Variants in ERICH1 observed in about 807,000 individuals in gnomAD.
ERICH1 encodes the protein glutamate-rich protein 1.
A neutral mutation model predicts 39.6 loss-of-function variants in ERICH1; 56 were observed. That is an observed-to-expected ratio of 1.41 (90% CI 1.14 to 1.77). ERICH1 has a LOEUF of 1.77. Among genes scored for constraint, ERICH1 ranks in the 40% most tolerant of loss-of-function variants. ERICH1 has a pLI of 0.00. For synonymous variants in ERICH1, 313 were observed against 223.6 expected (o/e 1.40, Z -3.57); for missense variants, 826 against 575.4 (o/e 1.44, Z -4.45).
At chr8:695,376 A>C (rs12716640) in intron 2 of ERICH1, among the ~76,000 whole-genome samples, 135,869 of 152,032 alleles carry the variant, frequency 0.89, 60,820 homozygotes, top group South Asian at 0.95. Flanking sequence ...AGGTACCTGC[A>C]CACCATGACG....
Position 688,346 on chromosome 8 carries a change from G to A in ERICH1, c.304+4132C>T, listed in dbSNP as rs1023648114. The stretch of plus-strand genomic sequence containing the variant: ...CCACCTCGGCGCCATCCCGCTCTAC[G>A]CTTAGCCCCACCTCGGCCCCGCCCC... On this transcript the variant is annotated intron_variant, in intron 3 of 5. Coordinates refer to ENST00000262109, the MANE Select transcript of ERICH1 (RefSeq NM_207332.3). Among the ~76,000 whole-genome samples, 218 of 51,544 alleles carry A rather than the reference G, an allele frequency of 4.2e-3. 5 individuals are homozygous for A. Among genetic ancestry groups the A allele is most frequent in the African/African-American group, 0.015 (192 of 12,500 alleles). 33.8% of individuals were successfully genotyped at this position (51,544 alleles called of 152,430 possible).
At chr8:652,241 C>T (rs936728047) in intron 3 of ERICH1, among the ~76,000 whole-genome samples, 2 of 152,198 alleles carry the variant, frequency 1.3e-5, no homozygotes, top group African/African-American at 4.8e-5. Context: ...GGAAATGCAG[C>T]CAGCAGGAGG....
chr8:669,838 A>G (rs1394053295), intron 4 of ERICH1, among the ~76,000 whole-genome samples: 1 of 152,274 alleles, frequency 6.6e-6, no homozygotes, highest in Non-Finnish European at 1.5e-5. Context: ...GCTGTTCAGC[A>G]GTATGACTGC....
chr8:712,822 G>T (rs571544057), intron 2 of ERICH1, among the ~76,000 whole-genome samples: 111 of 152,304 alleles, frequency 7.3e-4, no homozygotes, highest in South Asian at 1.9e-3. Context: ...AGTTCCAGAA[G>T]TCTTTTTTGT....
chr8:657,745 G>A (rs1800842336), intron 3 of ERICH1, among the ~76,000 whole-genome samples: 1 of 151,978 alleles, frequency 6.6e-6, no homozygotes, highest in South Asian at 2.1e-4. Flanking sequence ...TAAATGTCAT[G>A]CCATGTTAAA....
chr8:726,836 A>C (rs1818840403), intron 1 of ERICH1, among the ~76,000 whole-genome samples: 1 of 151,664 alleles, frequency 6.6e-6, no homozygotes, highest in African/African-American at 2.4e-5. Context: ...AGACACAGAC[A>C]CCACACAGGC....
intron 1 of ERICH1, among the ~76,000 whole-genome samples, chr8:728,160 G>A (rs1203672453): frequency 6.6e-6 from 1 of 152,220 alleles, no homozygotes; most frequent in East Asian, 1.9e-4. Context: ...TGGAGTCAGG[G>A]AGAGGGCCAG....
intron 1 of ERICH1, among the ~76,000 whole-genome samples, chr8:728,497 G>A (rs192269237): frequency 2.2e-3 from 331 of 152,270 alleles, no homozygotes; most frequent in African/African-American, 7.4e-3. Flanking sequence ...TGACACTGGG[G>A]GCCTCCCCAG....
intron 3 of ERICH1, among the ~76,000 whole-genome samples, chr8:646,317 T>C (rs1669719): frequency 0.029 from 1,982 of 67,480 alleles, 674 homozygotes; most frequent in African/African-American, 0.067. Context: ...AAGGAATATT[T>C]TTCCCTGCCT....
intron 3 of ERICH1, among the ~76,000 whole-genome samples, chr8:631,604 G>A (rs556509188): frequency 2.0e-4 from 31 of 152,276 alleles, no homozygotes; most frequent in African/African-American, 7.5e-4. Flanking sequence ...GGGAGTGGGG[G>A]CAATGCCGAG....
chr8:708,771 G>A (rs187638084), intron 2 of ERICH1, among the ~76,000 whole-genome samples: 1 of 138,380 alleles, frequency 7.2e-6, no homozygotes, highest in Admixed American at 8.1e-5. Flanking sequence ...TTGGCTCACT[G>A]AAGTCTTGTC....
intron 2 of ERICH1, among the ~76,000 whole-genome samples, chr8:713,976 CAGTGG>C (rs1815358604): frequency 6.8e-6 from 1 of 146,248 alleles, no homozygotes; most frequent in Admixed American, 6.7e-5. Flanking sequence ...TGGCATCTCT[CAGTGG>C]GATGTGCTGC....
At chr8:703,556 G>A (rs1812627971) in intron 2 of ERICH1, among the ~76,000 whole-genome samples, 1 of 152,144 alleles carries the variant, frequency 6.6e-6, no homozygotes, top group Admixed American at 6.5e-5. Flanking sequence ...TGGCTCCCAG[G>A]AGCCCCAGGC....
At chr8:630,115 G>A (rs1797898657) in intron 3 of ERICH1, among the ~76,000 whole-genome samples, 1 of 124,434 alleles carries the variant, frequency 8.0e-6, no homozygotes, top group African/African-American at 3.2e-5. Flanking sequence ...ACCCTCCCGT[G>A]AGCACCCACA....
chr8:700,500 G>A (rs1374677451), intron 2 of ERICH1, among the ~76,000 whole-genome samples: 1 of 132,978 alleles, frequency 7.5e-6, no homozygotes, highest in Non-Finnish European at 1.7e-5. Flanking sequence ...CCGCACACGC[G>A]CACAGGCCCG....
At position 664,615 on chromosome 8, in the gene ERICH1, C is replaced by T. The variant is rs1244348150; in HGVS notation, c.1320G>A (p.Lys440=). The change falls in exon 6 of 6, where the codon AAG becomes AAA. Residue 440 remains lysine, a synonymous_variant. Transcript: ENST00000262109. ...SYWITHILPE[K]SSD is the part of the protein sequence containing the mutation. Reference sequence around the variant, plus strand: ...GAGATATTCCATTTTAGTCACTGCTCTTCTCAGGAAGGATATGTGTGATCC... The same window carrying T: ...GAGATATTCCATTTTAGTCACTGCTTTTCTCAGGAAGGATATGTGTGATCC... The T allele has an allele frequency of 6.2e-7, 1 of 1,611,258 alleles. No individual in the cohort carries two copies. Among genetic ancestry groups the T allele is most frequent in the Non-Finnish European group, 8.5e-7 (1 of 1,178,992 alleles).
At chr8:680,605 G>A (rs1328751314) in intron 3 of ERICH1, among the ~76,000 whole-genome samples, 1 of 148,866 alleles carries the variant, frequency 6.7e-6, no homozygotes, top group Admixed American at 6.7e-5. Flanking sequence ...AGAATCCACA[G>A]CTGCCACCCC....
At chr8:700,093 GCA>G (rs1261924844) in intron 2 of ERICH1, among the ~76,000 whole-genome samples, 4 of 130,174 alleles carry the variant, frequency 3.1e-5, no homozygotes, top group Non-Finnish European at 4.8e-5. Context: ...CCGCACACGC[GCA>G]CAGACCCGCA....
At chr8:674,508 T>C (rs1032436578) in intron 3 of ERICH1, among the ~76,000 whole-genome samples, 2 of 152,152 alleles carry the variant, frequency 1.3e-5, no homozygotes, top group African/African-American at 4.8e-5. Flanking sequence ...TTCGCCATGT[T>C]GGCCAGGGTT....
Sources: gnomAD v4.1 joint callset for allele counts (sites outside exome capture counted in the v4.1 genomes callset) on GRCh38, gnomAD v4.1.1 for gene constraint, MANE v1.5 for transcripts, NCBI Gene and HGNC (gene_info 2026-07-23, HGNC 2026-07-21) for gene names.